Variants in UHRF1 observed in about 807,000 individuals in gnomAD.
The protein encoded by UHRF1 is ubiquitin like with PHD and ring finger domains 1, also known as E3 ubiquitin-protein ligase UHRF1.
A neutral mutation model predicts 96.5 loss-of-function variants in UHRF1; 9 were observed. The observed-to-expected ratio is 0.09, with a 90% CI of 0.06 to 0.16. The LOEUF (loss-of-function observed/expected upper bound fraction) is 0.16. Ranked by LOEUF, UHRF1 falls within the 10% of genes least tolerant of loss-of-function variation. UHRF1 has a pLI of 1.00. For synonymous variants in UHRF1, 455 were observed against 469.9 expected (o/e 0.97, Z 0.41); for missense variants, 626 against 1,131.1 (o/e 0.55, Z 6.40).
Position 4,954,543 on chromosome 19 carries a change from C to A in UHRF1, c.1957+55C>A. 1 of 1,583,638 alleles carries A rather than the reference C, an allele frequency of 6.3e-7. No homozygotes were observed. The highest frequency in any genetic ancestry group is 8.6e-7 in the Non-Finnish European group (1 of 1,162,270). On this transcript the variant is annotated intron_variant, in intron 14 of 16. Coordinates refer to ENST00000650932, the MANE Select transcript of UHRF1 (RefSeq NM_001048201.3). This position sits in a 1 kb window ranked among gnomAD's most constrained non-coding sequence, Gnocchi z 5.9. ...TCTTGTGTGTGGGGGAGCAGGTGGGCATCTCGCGGGTGTGGGGTTGAGGTC... is the reference window on the plus strand; with the variant it reads ...TCTTGTGTGTGGGGGAGCAGGTGGGAATCTCGCGGGTGTGGGGTTGAGGTC...
intron 7 of UHRF1, 109 bp from the exon 8 acceptor site, chr19:4,944,023 A>G (rs2033488297): frequency 2.7e-6 from 4 of 1,503,534 alleles, no homozygotes; most frequent in African/African-American, 1.4e-5. Context: ...GCAGGATGGT[A>G]GTGGTGCCAG....
chr19:4,917,102 T>G (rs2032540655), intron 2 of UHRF1, among the ~76,000 whole-genome samples: 1 of 142,274 alleles, frequency 7.0e-6, no homozygotes, highest in African/African-American at 2.6e-5. Flanking sequence ...CTTTTAGTCT[T>G]AAGTTTTCGT....
chr19:4,954,089 T>TGG lies in UHRF1; in HGVS notation c.1819-261_1819-260insGG, dbSNP rs2033788927. On this transcript the variant is annotated intron_variant, in intron 13 of 16. Coordinates refer to ENST00000650932, the MANE Select transcript of UHRF1 (RefSeq NM_001048201.3). This position sits in a 1 kb window ranked among gnomAD's most constrained non-coding sequence, Gnocchi z 5.9. Reference sequence around the variant, plus strand: ...CCCGAGCCGAGGGATGCAGCGCCTCTAGACGTTGGACACTTAGAACAGTGT... The same window carrying TGG: ...CCCGAGCCGAGGGATGCAGCGCCTCTGGAGACGTTGGACACTTAGAACAGTGT... 6.6e-6 allele frequency among the ~76,000 whole-genome samples: 1 copy of TGG among 152,180 alleles called. No homozygotes were observed. The highest frequency in any genetic ancestry group is 1.5e-5 in the Non-Finnish European group (1 of 68,044).
intron 7 of UHRF1, among the ~76,000 whole-genome samples, chr19:4,943,502 CT>C (rs369093702): frequency 0.11 from 15,486 of 142,644 alleles, 1,081 homozygotes; most frequent in Admixed American, 0.14. Flanking sequence ...CCTGCCCCCC[CT>C]CCCCACATCG....
In UHRF1 at chr19:4,930,399, C is replaced by T. The variant is rs1310420214; in HGVS notation, c.409-317C>T. ...CTGGTATTCCAGGCGTGAGCCACGA[C>T]GCCCTGCCTGGATTTCCAGCTTCTC... On this transcript the variant is annotated intron_variant, in intron 3 of 16. Coordinates refer to ENST00000650932, the MANE Select transcript of UHRF1 (RefSeq NM_001048201.3). The surrounding 1 kb of genome is among the most constrained non-coding windows in gnomAD (Gnocchi z 4.4). 2.0e-5 allele frequency among the ~76,000 whole-genome samples: 3 copies of T among 152,242 alleles called. No individual in the cohort carries two copies. Among genetic ancestry groups the T allele is most frequent in the Non-Finnish European group, 2.9e-5 (2 of 68,048 alleles).
intron 11 of UHRF1, among the ~76,000 whole-genome samples, chr19:4,948,117 A>C (rs1460663773): frequency 6.6e-6 from 1 of 151,714 alleles, no homozygotes; most frequent in East Asian, 1.9e-4. Context: ...AAAAAAAAAA[A>C]AAACCCCTCC....
chr19:4,957,361 T>A (rs977383464), intron 16 of UHRF1, among the ~76,000 whole-genome samples: 4 of 130,920 alleles, frequency 3.1e-5, no homozygotes, highest in African/African-American at 1.2e-4. Flanking sequence ...CATGCTGGAG[T>A]GCAGTGGCGC....
In UHRF1 at chr19:4,954,028, G is replaced by A. The variant is rs1313667537; in HGVS notation, c.1819-322G>A. 2.0e-5 allele frequency among the ~76,000 whole-genome samples: 3 copies of A among 152,146 alleles called. No homozygotes were observed. Among genetic ancestry groups the A allele is most frequent in the Non-Finnish European group, 1.5e-5 (1 of 68,028 alleles). ...TGCAATGTTTCATCATGCAGTGTGC[G>A]TGATGTGAGGTGGCTGTAAAGGGGG... On this transcript the variant is annotated intron_variant, in intron 13 of 16. Transcript: ENST00000650932. This position sits in a 1 kb window ranked among gnomAD's most constrained non-coding sequence, Gnocchi z 5.9.
At chr19:4,920,538 C>T (rs908541082) in intron 2 of UHRF1, among the ~76,000 whole-genome samples, 2 of 152,158 alleles carry the variant, frequency 1.3e-5, no homozygotes, top group African/African-American at 4.8e-5. Flanking sequence ...ACCCACTTAC[C>T]TCTACCTGAC....
At chr19:4,936,169 T>C (rs1479402119) in intron 5 of UHRF1, among the ~76,000 whole-genome samples, 2 of 152,252 alleles carry the variant, frequency 1.3e-5, no homozygotes, top group South Asian at 2.1e-4. Flanking sequence ...CACTGTCCCT[T>C]GCCAGCCCCA....
chr19:4,944,694 G>T (rs559410167), intron 9 of UHRF1, among the ~76,000 whole-genome samples: 2 of 152,350 alleles, frequency 1.3e-5, no homozygotes, highest in East Asian at 3.9e-4. Flanking sequence ...CATTCCCAAA[G>T]CTCCTGTCCC....
chr19:4,915,338 C>T (rs1434675041), intron 2 of UHRF1, among the ~76,000 whole-genome samples: 1 of 152,202 alleles, frequency 6.6e-6, no homozygotes, highest in South Asian at 2.1e-4. Flanking sequence ...GGTGACTCAC[C>T]ACTGCTGTTG....
intron 2 of UHRF1, among the ~76,000 whole-genome samples, chr19:4,926,215 G>A (rs2032865706): frequency 6.6e-6 from 1 of 152,176 alleles, no homozygotes; most frequent in Admixed American, 6.6e-5. Context: ...ACCTGTTGAT[G>A]GACACCTGGG....
rs1161948445 is a variant in UHRF1, at chr19:4,950,743, T to C, written c.1650T>C (p.Ala550=). 3 of 1,609,878 alleles carry C rather than the reference T, an allele frequency of 1.9e-6. No homozygotes were observed. Among genetic ancestry groups the C allele is most frequent in the Admixed American group, 1.7e-5 (1 of 59,272 alleles). The part of the protein sequence containing the change: ...KGGKNSKYAP[A]EGNRYDGIYK... ...GCAAGAATAGCAAGTACGCCCCCGC[T>C]GAGGGCAACCGCTACGATGGCATCT... Residue 550 remains alanine, a synonymous_variant, in exon 12 of 17, where the codon GCT becomes GCC. Transcript: ENST00000650932.
intron 4 of UHRF1, among the ~76,000 whole-genome samples, chr19:4,932,484 C>T (rs1291830195): frequency 6.6e-6 from 1 of 152,226 alleles, no homozygotes; most frequent in African/African-American, 2.4e-5. Flanking sequence ...ACCCTGTTTC[C>T]AAAAACAATC....
At chr19:4,940,431 TC>T (rs1481013745) in intron 5 of UHRF1, among the ~76,000 whole-genome samples, 1 of 140,804 alleles carries the variant, frequency 7.1e-6, no homozygotes, top group Non-Finnish European at 1.5e-5. Flanking sequence ...AGTGGCGTGA[TC>T]ATCTCAGCTC....
At chr19:4,910,358 G>C (rs968319641) in intron 1 of UHRF1, 2 of 151,414 alleles carry the variant, frequency 1.3e-5, no homozygotes, top group Admixed American at 1.3e-4. Context: ...CCGGCAAGGA[G>C]GGGGGGCGTG....
chr19:4,956,266 T>A (rs1301009024), intron 15 of UHRF1, among the ~76,000 whole-genome samples: 2 of 152,206 alleles, frequency 1.3e-5, no homozygotes. Flanking sequence ...GGGGTCTCAC[T>A]GTATTGCCGG....
At position 4,960,874 on chromosome 19, in the gene UHRF1, G is replaced by A; in HGVS notation, c.*71G>A. The A allele has an allele frequency of 1.2e-6, 1 of 827,478 alleles. No homozygotes were observed. Among genetic ancestry groups the A allele is most frequent in the Non-Finnish European group, 1.9e-6 (1 of 524,072 alleles). 51.3% of individuals were successfully genotyped at this position (827,478 alleles called of 1,614,324 possible). A position where few individuals can be genotyped will look rare whatever the true frequency, so the allele number is the denominator to read the frequency against. The stretch of plus-strand genomic sequence containing the variant: ...GGGCTCGTTCATCGGCACTGATTTT[G>A]TTCTTAGTGGGCTTAACTTAAACAG... On this transcript the variant is annotated 3_prime_UTR_variant, in exon 17 of 17. Transcript: ENST00000650932.
Sources: allele counts gnomAD v4.1 joint callset (sites outside exome capture counted in the v4.1 genomes callset), GRCh38; gene constraint gnomAD v4.1.1; non-coding constraint Gnocchi (gnomAD v3.1); transcripts MANE v1.5; gene names NCBI Gene and HGNC (gene_info 2026-07-23, HGNC 2026-07-21).